The following CALN1 variants were observed in gnomAD, a reference collection of about 807,000 sequenced individuals.
CALN1 encodes calneuron 1.
In CALN1, 17 loss-of-function variants were observed where a neutral mutation model predicts 30.6. The ratio of observed to expected loss-of-function variants is 0.56; its 90% CI spans 0.38 to 0.83. CALN1 has a LOEUF of 0.83. Among genes scored for constraint, CALN1 ranks in the 40% least tolerant of loss-of-function variants. The pLI is 0.00. For synonymous variants in CALN1, 156 were observed against 131.4 expected (o/e 1.19, Z -1.28); for missense variants, 291 against 354.9 (o/e 0.82, Z 1.45).
intron 4 of CALN1, among the ~76,000 whole-genome samples, chr7:72,085,664 A>G (rs189991922): frequency 2.7e-4 from 41 of 152,336 alleles, no homozygotes; most frequent in Non-Finnish European, 7.3e-5. Flanking sequence ...ACTTGGGGTA[A>G]TAGAAATGTT....
intron 3 of CALN1, among the ~76,000 whole-genome samples, chr7:72,248,352 G>C (rs1795327095): frequency 6.6e-6 from 1 of 152,010 alleles, no homozygotes; most frequent in Non-Finnish European, 1.5e-5. Context: ...ACCCACCTTG[G>C]CCTCCCAAAG....
intron 3 of CALN1, among the ~76,000 whole-genome samples, chr7:72,215,164 G>A (rs1792690318): frequency 6.6e-6 from 1 of 152,112 alleles, no homozygotes; most frequent in Admixed American, 6.6e-5. Flanking sequence ...CGGACCACTG[G>A]TCTACATGCT....
rs183658984 is a variant in CALN1 at position 72,376,902 on chromosome 7, T to C, written c.119+26349A>G. Among the ~76,000 whole-genome samples the C allele has an allele frequency of 4.6e-5, 7 of 152,350 alleles. No homozygotes were observed. The East Asian group carries it at 1.4e-3, about 29-fold the overall frequency. ...GTATCCAACTTTCTGTATTTTTGCA[T>C]GTGGACATTCAGTTGTCTCAACATT... On this transcript the variant is annotated intron_variant, in intron 2 of 6. Transcript: ENST00000395275.
At chr7:71,878,268 G>A (rs1166152268) in intron 5 of CALN1, among the ~76,000 whole-genome samples, 1 of 152,158 alleles carries the variant, frequency 6.6e-6, no homozygotes, top group African/African-American at 2.4e-5. Flanking sequence ...CAGGCACAGC[G>A]GTGCATGCCT....
chr7:71,996,443 T>C (rs760655922), intron 5 of CALN1, among the ~76,000 whole-genome samples: 28 of 152,232 alleles, frequency 1.8e-4, no homozygotes, highest in Non-Finnish European at 1.6e-4. Flanking sequence ...CCATGTGTTC[T>C]CATTGTTCAG....
chr7:71,837,263 A>G (rs1167262021), intron 5 of CALN1, among the ~76,000 whole-genome samples: 7 of 150,534 alleles, frequency 4.7e-5, no homozygotes, highest in African/African-American at 1.7e-4. Context: ...AAAAAAAAAA[A>G]AAGCCACAAA....
At chr7:72,242,291 T>C (rs1794891878) in intron 3 of CALN1, among the ~76,000 whole-genome samples, 1 of 152,228 alleles carries the variant, frequency 6.6e-6, no homozygotes, top group Admixed American at 6.5e-5. Context: ...TGAATAATGC[T>C]GCTATGAACA....
chr7:72,019,700 G>A (rs755442680), intron 5 of CALN1, among the ~76,000 whole-genome samples: 84 of 152,284 alleles, frequency 5.5e-4, no homozygotes, highest in African/African-American at 1.9e-3. Flanking sequence ...CCCAAGGCTG[G>A]TCACAGCTCC....
intron 2 of CALN1, among the ~76,000 whole-genome samples, chr7:72,279,923 G>A (rs1419926122): frequency 6.6e-6 from 1 of 152,196 alleles, no homozygotes; most frequent in African/African-American, 2.4e-5. Flanking sequence ...AGTGGGTAGA[G>A]AACATCTTTG....
rs540692091 is a variant in CALN1, at chr7:72,402,705, AC to A, written c.119+545del. 8.7e-4 allele frequency among the ~76,000 whole-genome samples: 132 copies of A among 152,256 alleles called. 1 individual carries two copies. Among genetic ancestry groups the A allele is most frequent in the African/African-American group, 3.1e-3 (127 of 41,554 alleles). On this transcript the variant is annotated intron_variant, in intron 2 of 6. Transcript: ENST00000395275. ...ATAGAAAACTCCTCACCCCGAACTGACCGCATCAATGACCAGAGACAGACAG... is the reference window on the plus strand; with the variant it reads ...ATAGAAAACTCCTCACCCCGAACTGACGCATCAATGACCAGAGACAGACAG...
intron 5 of CALN1, among the ~76,000 whole-genome samples, chr7:71,907,521 A>G (rs1373940826): frequency 6.6e-6 from 1 of 152,218 alleles, no homozygotes; most frequent in African/African-American, 2.4e-5. Flanking sequence ...GGAGCTAGAA[A>G]AAGACCTGGA....
chr7:72,115,484 C>CATTTT (rs1807915161), intron 3 of CALN1, among the ~76,000 whole-genome samples: 1 of 80,598 alleles, frequency 1.2e-5, no homozygotes, highest in Non-Finnish European at 2.1e-5. Context: ...CATATACATT[C>CATTTT]TTTTTTTTTT....
At chr7:71,916,508 T>C (rs1174027782) in intron 5 of CALN1, among the ~76,000 whole-genome samples, 3 of 152,104 alleles carry the variant, frequency 2.0e-5, no homozygotes, top group South Asian at 2.1e-4. Flanking sequence ...AATGAGATCA[T>C]GTCCTTGCCA....
At chr7:71,888,135 A>G (rs1793022944) in intron 5 of CALN1, among the ~76,000 whole-genome samples, 1 of 152,178 alleles carries the variant, frequency 6.6e-6, no homozygotes, top group Non-Finnish European at 1.5e-5. Context: ...GCAATGTAAT[A>G]TAAGAAGAGG....
intron 6 of CALN1, among the ~76,000 whole-genome samples, chr7:71,793,869 C>A (rs199653386): frequency 1.3e-4 from 18 of 137,632 alleles, no homozygotes; most frequent in African/African-American, 2.8e-4. Flanking sequence ...CTAAAAAAAC[C>A]AAAAAAAACA....
intron 5 of CALN1, among the ~76,000 whole-genome samples, chr7:72,010,822 AG>A (rs1423222037): frequency 6.6e-6 from 1 of 150,794 alleles, no homozygotes; most frequent in African/African-American, 2.5e-5. Flanking sequence ...AAAAAAGAAA[AG>A]AAAAGAAAAG....
At chr7:72,182,642 C>G (rs1420947741) in intron 3 of CALN1, among the ~76,000 whole-genome samples, 2 of 151,808 alleles carry the variant, frequency 1.3e-5, no homozygotes, top group East Asian at 3.9e-4. Flanking sequence ...ATGGCTTGAA[C>G]CTGGGAGGTG....
intron 5 of CALN1, among the ~76,000 whole-genome samples, chr7:71,890,989 C>T (rs1248083706): frequency 1.3e-5 from 2 of 152,112 alleles, no homozygotes; most frequent in African/African-American, 4.8e-5. Flanking sequence ...TCAAGCAATC[C>T]ACCCACCTCA....
intron 3 of CALN1, among the ~76,000 whole-genome samples, chr7:72,163,458 C>T (rs1354788232): frequency 6.8e-6 from 1 of 146,418 alleles, no homozygotes; most frequent in Non-Finnish European, 1.5e-5. Context: ...AGAAACAGAC[C>T]CCAAGATGAC....
Sources: allele counts gnomAD v4.1 joint callset (sites outside exome capture counted in the v4.1 genomes callset), GRCh38; gene constraint gnomAD v4.1.1; transcripts MANE v1.5; gene names NCBI Gene and HGNC (gene_info 2026-07-23, HGNC 2026-07-21).